NEB: variants seen among roughly 807,000 people sequenced by gnomAD.
NEB encodes nemaline myopathy type 2.
Under a neutral mutation model 952.2 loss-of-function variants are expected in NEB, and 512 were observed. The ratio of observed to expected loss-of-function variants is 0.54; its 90% CI spans 0.50 to 0.58. NEB has a LOEUF of 0.58. Among genes scored for constraint, NEB ranks in the 20% least tolerant of loss-of-function variants. The probability of loss-of-function intolerance (pLI) is 0.00; values close to 1 mark genes in which losing one functional copy is unlikely to be tolerated. For missense variants in NEB, 8,428 were observed against 9,231.1 expected, an observed-to-expected ratio of 0.91 and a Z score of 3.56; for synonymous variants, 2,900 against 3,149.8, an observed-to-expected ratio of 0.92 and a Z score of 2.66.
chr2:151,704,350 G>GAGGC, intron 13 of NEB, among the ~76,000 whole-genome samples: 1 of 142,128 alleles, frequency 7.0e-6, no homozygotes, highest in South Asian at 2.5e-4. Context: ...GGAGCCTACA[G>GAGGC]AGGCAGGCAG....
rs1412291518 is a variant in NEB at position 151,609,550 on chromosome 2, T to C, written c.12330+259A>G. 2.6e-5 allele frequency among the ~76,000 whole-genome samples: 4 copies of C among 152,240 alleles called. No individual in the cohort carries two copies. In the East Asian group the frequency reaches 5.8e-4, roughly 22 times the overall value. ...GCAATTGACCCAAGGAAATGCTGTT[T>C]AGTGTTTTGGATCTAGCATAATAGC... is the stretch of plus-strand genomic sequence containing the variant. On this transcript the variant is annotated intron_variant, in intron 81 of 181. Coordinates refer to ENST00000397345, the MANE Select transcript of NEB (RefSeq NM_001164508.2).
intron 129 of NEB, among the ~76,000 whole-genome samples, chr2:151,550,282 A>C (rs1476172836): frequency 1.3e-5 from 2 of 151,874 alleles, no homozygotes; most frequent in African/African-American, 4.8e-5. Context: ...AAAAAAAAAA[A>C]AAAAAAAACA....
intron 167 of NEB, among the ~76,000 whole-genome samples, chr2:151,502,427 C>T (rs915342159): frequency 2.0e-5 from 3 of 150,992 alleles, no homozygotes; most frequent in African/African-American, 7.3e-5. Context: ...ATAAAGAATA[C>T]ATTAAACAGC....
chr2:151,663,842 G>T lies in NEB; in HGVS notation c.5469C>A (p.Ala1823=). Residue 1823 remains alanine (A), a synonymous_variant, in exon 45 of 182, where the codon GCC becomes GCA. Transcript: ENST00000397345. ...TGTGTTTCCCTTTGGCTTGTTCATA[G>T]GCTTTCTTGTATTTGTACTGTGGAC... ...DIASDYKYKK[A]YEQAKGKHIG... 6.2e-7 allele frequency: 1 copy of T among 1,613,618 alleles called. No individual in the cohort carries two copies.
chr2:151,514,532 A>T, intron 158 of NEB, 104 bp from the exon 159 acceptor site: 3 of 897,108 alleles, frequency 3.3e-6, no homozygotes, highest in Admixed American at 3.6e-5. Context: ...AAGGGTTCAC[A>T]GTTTAGTAAG....
chr2:151,574,536 T>A (rs1402882233), intron 107 of NEB, among the ~76,000 whole-genome samples: 1 of 152,216 alleles, frequency 6.6e-6, no homozygotes, highest in Non-Finnish European at 1.5e-5. Flanking sequence ...TTTTGTCAGA[T>A]GCCATGTAAA....
chr2:151,497,162 C>CTGA, intron 171 of NEB, 129 bp from the exon 172 acceptor site: 1 of 1,308,192 alleles, frequency 7.6e-7, no homozygotes, highest in Non-Finnish European at 1.0e-6. Context: ...AAGTTATATG[C>CTGA]TGACAAAATG....
intron 164 of NEB, chr2:151,505,839 A>G (rs1444179607): frequency 3.7e-6 from 2 of 540,396 alleles, no homozygotes; most frequent in East Asian, 3.1e-5. Context: ...TGTATACTCC[A>G]ATGTCTTTAT....
intron 16 of NEB, 117 bp downstream of exon 16, chr2:151,697,031 A>G (rs1321549931): frequency 1.3e-6 from 1 of 748,054 alleles, no homozygotes; most frequent in Non-Finnish European, 2.1e-6. Context: ...AATAGACTTC[A>G]TTTCTTGCGA....
intron 7 of NEB, 83 bp downstream of exon 7, chr2:151,724,774 C>T (rs1412209976): frequency 1.7e-6 from 2 of 1,149,760 alleles, no homozygotes; most frequent in Non-Finnish European, 2.5e-6. Context: ...CAGGATCAGG[C>T]CTGTCCAATT....
intron 113 of NEB, 104 bp downstream of exon 113, chr2:151,567,966 TG>T (rs2096482375): frequency 1.2e-6 from 1 of 833,952 alleles, no homozygotes; most frequent in Non-Finnish European, 1.9e-6. Flanking sequence ...TCTGCCACAC[TG>T]AAACTGAACA....
intron 54 of NEB, 127 bp downstream of exon 54, chr2:151,650,049 T>C (rs1197481021): frequency 3.6e-6 from 3 of 837,580 alleles, no homozygotes; most frequent in Non-Finnish European, 5.6e-6. Flanking sequence ...AATGATCCAA[T>C]ATAAAATTTT....
At chr2:151,531,308 CTTTTTTTTTTTTT>C (rs1159075000) in intron 144 of NEB, among the ~76,000 whole-genome samples, 6 of 84,008 alleles carry the variant, frequency 7.1e-5, no homozygotes, top group African/African-American at 2.7e-4. Context: ...TTTTTTCTTT[CTTTTTTTTTTTTT>C]TTTTTTTTTT....
intron 45 of NEB, 29 bp downstream of exon 45, chr2:151,663,519 A>G: frequency 6.3e-7 from 1 of 1,580,536 alleles, no homozygotes; most frequent in Non-Finnish European, 8.6e-7. Flanking sequence ...ATCCAGAGTA[A>G]ACGCTCTGCA....
At chr2:151,669,000 A>G in intron 39 of NEB, 27 bp downstream of exon 39, 3 of 1,492,114 alleles carry the variant, frequency 2.0e-6, no homozygotes, top group Non-Finnish European at 2.8e-6. Context: ...CCGCATACGC[A>G]ATATTAGCAC....
Position 151,540,714 on chromosome 2 carries a change from T to G in NEB, c.20770A>C (p.Lys6924Gln), listed in dbSNP as rs1243269654. The change falls in exon 137 of 182, where the codon AAG becomes CAG. Residue 6924 changes from lysine (K) to glutamine (Q), a missense_variant. Lys to Gln is a moderately conservative substitution (Grantham distance 53). Around this residue, in one of 11 missense-constraint regions of NEB, gnomAD observed 3,374 missense variants for 3,651.5 expected, o/e 0.92. Transcript: ENST00000397345. ...CATCTTACCTCACTGACCATGTCCT[T>G]CACGTCTTTAGCATGCTTCAAGGCT... ...TTALKHAKDV[K>Q]DMVSEKKYKI... 2 of 1,613,638 alleles carry G rather than the reference T, an allele frequency of 1.2e-6. No individual in the cohort carries two copies. Among genetic ancestry groups the G allele is most frequent in the Non-Finnish European group, 8.5e-7 (1 of 1,179,624 alleles).
chr2:151,562,338 C>T (rs563798779), intron 120 of NEB, 124 bp from the exon 121 acceptor site: 9 of 863,244 alleles, frequency 1.0e-5, no homozygotes, highest in Non-Finnish European at 1.7e-5. Context: ...GGCCTCTCAC[C>T]AGCTGGAAGG....
At chr2:151,663,445 G>A in intron 45 of NEB, 103 bp downstream of exon 45, 1 of 1,128,154 alleles carries the variant, frequency 8.9e-7, no homozygotes, top group Non-Finnish European at 1.3e-6. Flanking sequence ...TTGGGAAATT[G>A]CAGATGAATT....
chr2:151,671,074 A>T lies in NEB; in HGVS notation c.4455T>A (p.Pro1485=). The change falls in exon 38 of 182, where the codon CCT becomes CCA. Residue 1485 remains proline (P), a synonymous_variant. Coordinates refer to ENST00000397345, the MANE Select transcript of NEB (RefSeq NM_001164508.2). The part of the protein sequence containing the change: ...HPDTVKFTSV[P]DSMGMVLAQH... ...GAGCCAACACCATGCCCATGGAATC[A>T]GGCACACTTGTGAACTTGACGGTAT... 6.2e-7 allele frequency: 1 copy of T among 1,613,972 alleles called. No individual in the cohort carries two copies. Among genetic ancestry groups the T allele is most frequent in the Non-Finnish European group, 8.5e-7 (1 of 1,179,862 alleles).
Sources: allele counts gnomAD v4.1 joint callset (sites outside exome capture counted in the v4.1 genomes callset), GRCh38; gene constraint gnomAD v4.1.1; regional missense constraint gnomAD v4.1.1; transcripts MANE v1.5; gene names NCBI Gene and HGNC (gene_info 2026-07-23, HGNC 2026-07-21).